SORCS2: variants seen among roughly 807,000 people sequenced by gnomAD.
The protein encoded by SORCS2 is sortilin related VPS10 domain containing receptor 2, also known as VPS10 domain-containing receptor SorCS2.
A neutral mutation model predicts 141.6 loss-of-function variants in SORCS2; 100 were observed. The ratio of observed to expected loss-of-function variants is 0.71; its 90% confidence interval spans 0.60 to 0.83. The LOEUF is 0.83. SORCS2 is among the 40% of genes least tolerant of loss of function. The pLI is 0.00. For missense variants in SORCS2, 1,646 were observed against 1,560.2 expected, an observed-to-expected ratio of 1.05 and a Z score of -0.93; for synonymous variants, 789 against 676.9, an observed-to-expected ratio of 1.17 and a Z score of -2.57.
At chr4:7,692,477 G>A (rs1724318215) in intron 11 of SORCS2, among the ~76,000 whole-genome samples, 1 of 152,242 alleles carries the variant, frequency 6.6e-6, no homozygotes, top group Non-Finnish European at 1.5e-5. Context: ...GGATGAGACA[G>A]GGTATGGCAG....
intron 1 of SORCS2, among the ~76,000 whole-genome samples, chr4:7,232,445 C>T (rs930542563): frequency 6.6e-6 from 1 of 152,194 alleles, no homozygotes; most frequent in Non-Finnish European, 1.5e-5. Flanking sequence ...CATGGTATGC[C>T]AGCCTCATTA....
chr4:7,388,469 A>G (rs1299932147), intron 1 of SORCS2, among the ~76,000 whole-genome samples: 1 of 152,148 alleles, frequency 6.6e-6, no homozygotes, highest in African/African-American at 2.4e-5. Flanking sequence ...GAAATAGGTA[A>G]TACAGCCAAA....
chr4:7,305,483 G>A (rs555246185), intron 1 of SORCS2, among the ~76,000 whole-genome samples: 1 of 151,964 alleles, frequency 6.6e-6, no homozygotes. Flanking sequence ...CCCACATGGC[G>A]CTCAGCTCCC....
In SORCS2 at chr4:7,260,972, G is replaced by A. The variant is rs182891080; in HGVS notation, c.480+67846G>A. On this transcript the variant is annotated intron_variant, in intron 1 of 26. Transcript: ENST00000507866. ...CATAGCACTGAACTTAGTTGATCAC[G>A]GATCCCTGTTTTGTTGTTGTTTTTA... Among the ~76,000 whole-genome samples, 13 of 152,302 alleles carry A rather than the reference G, an allele frequency of 8.5e-5. No individual in the cohort carries two copies. The South Asian group carries it at 2.1e-3, about 24-fold the overall frequency.
chr4:7,272,736 G>A (rs778240887), intron 1 of SORCS2, among the ~76,000 whole-genome samples: 2 of 152,242 alleles, frequency 1.3e-5, no homozygotes, highest in Non-Finnish European at 2.9e-5. Flanking sequence ...ACCATCCGCG[G>A]CATTGCAGCC....
At chr4:7,276,138 C>T (rs540908432) in intron 1 of SORCS2, among the ~76,000 whole-genome samples, 20 of 152,332 alleles carry the variant, frequency 1.3e-4, no homozygotes, top group South Asian at 4.1e-4. Flanking sequence ...CCACCAGCCC[C>T]GCTCATAGCC....
chr4:7,704,258 G>A lies in SORCS2; in HGVS notation c.1842G>A (p.Glu614=). 1.9e-6 allele frequency: 3 copies of A among 1,612,424 alleles called. 1 individual carries two copies. Among genetic ancestry groups the A allele is most frequent in the Admixed American group, 3.3e-5 (2 of 59,840 alleles). ...TGTTTGTGGACGGGCTGCTGAGTGA[G>A]CCAGGGGACGAGACGCTGGTCATGA... ...TSVFVDGLLS[E]PGDETLVMTV... is the part of the protein sequence containing the mutation. The change falls in exon 14 of 27, where the codon GAG becomes GAA. Residue 614 remains glutamate (E), a synonymous_variant. Coordinates refer to ENST00000507866, the MANE Select transcript of SORCS2 (RefSeq NM_020777.3).
intron 1 of SORCS2, among the ~76,000 whole-genome samples, chr4:7,354,461 G>T (rs1577436565): frequency 6.6e-6 from 1 of 152,202 alleles, no homozygotes; most frequent in African/African-American, 2.4e-5. Context: ...ACAACAAGGT[G>T]CAGGGGTAAG....
intron 1 of SORCS2, among the ~76,000 whole-genome samples, chr4:7,219,323 C>A (rs1167032749): frequency 6.6e-6 from 1 of 152,096 alleles, no homozygotes; most frequent in African/African-American, 2.4e-5. Context: ...GTTTCTCTAA[C>A]TTGGCTTTAG....
intron 18 of SORCS2, among the ~76,000 whole-genome samples, chr4:7,720,133 T>TCA (rs1285815838): frequency 2.6e-5 from 4 of 152,120 alleles, no homozygotes; most frequent in African/African-American, 9.7e-5. Flanking sequence ...ACACACTGTC[T>TCA]CACACACACA....
chr4:7,539,707 C>G (rs1450088771), intron 3 of SORCS2, among the ~76,000 whole-genome samples: 1 of 44,220 alleles, frequency 2.3e-5, no homozygotes, highest in Non-Finnish European at 9.9e-5. Context: ...CCCGCCCCTT[C>G]CTGCTGTGGA....
intron 2 of SORCS2, among the ~76,000 whole-genome samples, chr4:7,521,596 T>A (rs907296392): frequency 1.3e-5 from 2 of 152,154 alleles, no homozygotes; most frequent in African/African-American, 2.4e-5. Context: ...GGTCTGTGTG[T>A]CTTCTCATCT....
At chr4:7,543,260 G>C (rs1258175742) in intron 3 of SORCS2, among the ~76,000 whole-genome samples, 1 of 152,160 alleles carries the variant, frequency 6.6e-6, no homozygotes, top group South Asian at 2.1e-4. Context: ...GAGGCAGGGA[G>C]GGTCACCCAT....
chr4:7,216,806 GGATGGGGATGTCTTCTTGGGGGCT>G (rs1031811882), intron 1 of SORCS2, among the ~76,000 whole-genome samples: 32 of 152,304 alleles, frequency 2.1e-4, no homozygotes, highest in Non-Finnish European at 3.7e-4. Flanking sequence ...TCTGGGATTT[GGATGGGGATGTCTTCTTGGGGGCT>G]GAGATCAGCC....
intron 3 of SORCS2, among the ~76,000 whole-genome samples, chr4:7,624,647 A>G (rs1053326010): frequency 3.3e-5 from 5 of 152,244 alleles, no homozygotes; most frequent in Middle Eastern, 3.2e-3. Flanking sequence ...CCACTGTTCA[A>G]TTAGGGGGCA....
intron 14 of SORCS2, 116 bp downstream of exon 14, chr4:7,704,400 C>T (rs1725284685): frequency 3.3e-6 from 3 of 919,312 alleles, no homozygotes; most frequent in South Asian, 1.7e-5. Context: ...ACATCTGCCA[C>T]CTGCCCCAGG....
chr4:7,647,123 G>C (rs1721133586), intron 4 of SORCS2, among the ~76,000 whole-genome samples: 1 of 152,198 alleles, frequency 6.6e-6, no homozygotes, highest in Non-Finnish European at 1.5e-5. Context: ...CCAGGCAGAG[G>C]ACACAGCTTG....
chr4:7,292,425 G>C (rs1312293875), intron 1 of SORCS2, among the ~76,000 whole-genome samples: 1 of 152,266 alleles, frequency 6.6e-6, no homozygotes, highest in Non-Finnish European at 1.5e-5. Context: ...CCGGGCACTG[G>C]ATCTCAGGAA....
chr4:7,543,698 A>C (rs1281921223), intron 3 of SORCS2, among the ~76,000 whole-genome samples: 2 of 68,778 alleles, frequency 2.9e-5, no homozygotes, highest in Non-Finnish European at 3.5e-5. Flanking sequence ...CCATCCACCC[A>C]TCCATCCATC....
Sources: allele counts gnomAD v4.1 joint callset (sites outside exome capture counted in the v4.1 genomes callset), GRCh38; gene constraint gnomAD v4.1.1; transcripts MANE v1.5; gene names NCBI Gene and HGNC (gene_info 2026-07-23, HGNC 2026-07-21).